Variants in COL23A1 observed in about 807,000 individuals in gnomAD.
COL23A1 encodes collagen type XXIII alpha 1 chain, also known as collagen alpha-1(XXIII) chain.
A neutral mutation model predicts 99.3 loss-of-function variants in COL23A1; 97 were observed. That is an observed-to-expected ratio of 0.98 (90% CI 0.83 to 1.16). COL23A1 has a LOEUF of 1.16. Among genes scored for constraint, COL23A1 ranks in the 50% most tolerant of loss-of-function variants. COL23A1 has a pLI of 0.00. For synonymous variants in COL23A1, 320 were observed against 308.2 expected (o/e 1.04, Z -0.40); for missense variants, 762 against 757.4 (o/e 1.01, Z -0.07).
chr5:178,530,877 A>C (rs1208505836), intron 2 of COL23A1, among the ~76,000 whole-genome samples: 2 of 152,012 alleles, frequency 1.3e-5, no homozygotes, highest in Non-Finnish European at 2.9e-5. Context: ...ATAAGCATTA[A>C]TTTTTTTGAG....
chr5:178,329,368 T>G (rs1390757216), intron 2 of COL23A1, among the ~76,000 whole-genome samples: 1 of 151,214 alleles, frequency 6.6e-6, no homozygotes, highest in Non-Finnish European at 1.5e-5. Context: ...ATGAAGAGAG[T>G]GGGGCCTCAA....
At chr5:178,429,521 G>C (rs1014948020) in intron 2 of COL23A1, among the ~76,000 whole-genome samples, 7 of 152,206 alleles carry the variant, frequency 4.6e-5, no homozygotes, top group African/African-American at 1.7e-4. Context: ...GCTTACTTTA[G>C]CTTGTGTAAA....
Position 178,238,531 on chromosome 5 carries a change from G to T in COL23A1, c.*167C>A. On this transcript the variant is annotated 3_prime_UTR_variant, in exon 29 of 29. Coordinates refer to ENST00000390654, the MANE Select transcript of COL23A1 (RefSeq NM_173465.4). ...CCTGGTCTGGCCTGTCCACTTTCCGGCAGCTTCACATGCCGGTGGCTTTGG... is the reference window on the plus strand; with the variant it reads ...CCTGGTCTGGCCTGTCCACTTTCCGTCAGCTTCACATGCCGGTGGCTTTGG... 1.1e-6 allele frequency: 1 copy of T among 874,530 alleles called. No individual in the cohort carries two copies. The highest frequency in any genetic ancestry group is 1.8e-6 in the Non-Finnish European group (1 of 555,460). The allele number at this position is 874,530 out of a possible 1,614,324, so 54.2% of individuals were successfully genotyped here.
chr5:178,384,753 A>G lies in COL23A1; in HGVS notation c.362-77834T>C, dbSNP rs13178731. On this transcript the variant is annotated intron_variant, in intron 2 of 28. Transcript: ENST00000390654. The surrounding 1 kb of genome is among the most constrained non-coding windows in gnomAD (Gnocchi z 5.5). ...ACAGGGTGCACATATAACAGCCACCACGACCCTTGTACCACCCGGGGACGG... is the reference window on the plus strand; with the variant it reads ...ACAGGGTGCACATATAACAGCCACCGCGACCCTTGTACCACCCGGGGACGG... Among the ~76,000 whole-genome samples, 15,501 of 152,234 alleles carry G rather than the reference A, an allele frequency of 0.1. 1,222 individuals carry two copies. Among genetic ancestry groups the G allele is most frequent in the African/African-American group, 0.22 (8,949 of 41,508 alleles).
chr5:178,288,679 C>T (rs975506906), intron 4 of COL23A1: 36 of 415,640 alleles, frequency 8.7e-5, no homozygotes, highest in Middle Eastern at 6.4e-4. Flanking sequence ...CACAACCACA[C>T]GACCAACCAG....
intron 1 of COL23A1, among the ~76,000 whole-genome samples, chr5:178,581,913 T>C (rs1043223593): frequency 1.3e-5 from 2 of 152,066 alleles, no homozygotes; most frequent in Non-Finnish European, 2.9e-5. Context: ...GGTAAGCAAA[T>C]ATCTGTCTAC....
Position 178,304,609 on chromosome 5 carries a change from CAT to C in COL23A1, c.406+2264_406+2265del, listed in dbSNP as rs780972108. Among the ~76,000 whole-genome samples, 156 of 151,434 alleles carry C rather than the reference CAT, an allele frequency of 1.0e-3. 2 individuals carry two copies. The highest frequency in any genetic ancestry group is 3.4e-3 in the Middle Eastern group (1 of 290). On this transcript the variant is annotated intron_variant, in intron 3 of 28. Transcript: ENST00000390654. ...GGGAAGGCATGAAAGCCAGGATGTG[CAT>C]ATGTGTGTAACTATCTAGAAATAAA...
intron 1 of COL23A1, among the ~76,000 whole-genome samples, chr5:178,582,931 A>G (rs951944832): frequency 1.3e-5 from 2 of 152,146 alleles, no homozygotes; most frequent in African/African-American, 4.8e-5. Context: ...TGCCAAACCC[A>G]CACACAGGGT....
chr5:178,314,735 C>A (rs900750426), intron 2 of COL23A1, among the ~76,000 whole-genome samples: 2 of 152,142 alleles, frequency 1.3e-5, no homozygotes, highest in African/African-American at 4.8e-5. Context: ...ATATTCCTGA[C>A]CTCAAACCCA....
chr5:178,261,991 A>G (rs1455613505), intron 10 of COL23A1, among the ~76,000 whole-genome samples: 2 of 152,210 alleles, frequency 1.3e-5, no homozygotes, highest in Non-Finnish European at 2.9e-5. Context: ...ATGTGGAGCT[A>G]CTGGAATCCC....
In COL23A1 at chr5:178,255,794, G is replaced by A; in HGVS notation, c.882+559C>T. Reference sequence around the variant, plus strand: ...CCTCCCGCTCCCCACCACCTGCACAGCCAGGCGGGGGCTCAGATCCATTTT... The same window carrying A: ...CCTCCCGCTCCCCACCACCTGCACAACCAGGCGGGGGCTCAGATCCATTTT... On this transcript the variant is annotated intron_variant, in intron 15 of 28. Coordinates refer to ENST00000390654, the MANE Select transcript of COL23A1 (RefSeq NM_173465.4). This position sits in a 1 kb window ranked among gnomAD's most constrained non-coding sequence, Gnocchi z 4.2. The A allele has an allele frequency of 2.6e-6, 1 of 377,768 alleles. No individual in the cohort carries two copies. Among genetic ancestry groups the A allele is most frequent in the Non-Finnish European group, 5.5e-6 (1 of 181,846 alleles). 23.4% of individuals were successfully genotyped at this position (377,768 alleles called of 1,614,324 possible).
At chr5:178,478,848 C>T (rs1011027341) in intron 2 of COL23A1, among the ~76,000 whole-genome samples, 8 of 152,112 alleles carry the variant, frequency 5.3e-5, no homozygotes, top group African/African-American at 1.9e-4. Context: ...GAAGACTTAC[C>T]CCAGAGGATA....
chr5:178,297,960 CA>C (rs1757835178), intron 3 of COL23A1, among the ~76,000 whole-genome samples: 1 of 152,184 alleles, frequency 6.6e-6, no homozygotes, highest in African/African-American at 2.4e-5. Context: ...ATGGATGTGA[CA>C]GAGGGGTTGG....
At chr5:178,575,865 G>A (rs1763325057) in intron 1 of COL23A1, among the ~76,000 whole-genome samples, 1 of 152,234 alleles carries the variant, frequency 6.6e-6, no homozygotes, top group Admixed American at 6.5e-5. Flanking sequence ...CCAGGCATAT[G>A]TGTCCTCAGA....
chr5:178,585,738 C>CTGGT (rs1275652839), intron 1 of COL23A1, among the ~76,000 whole-genome samples: 1 of 152,220 alleles, frequency 6.6e-6, no homozygotes, highest in Non-Finnish European at 1.5e-5. Context: ...CTCCACAGCC[C>CTGGT]TGGCTGACCC....
intron 5 of COL23A1, among the ~76,000 whole-genome samples, chr5:178,286,478 G>A (rs571562156): frequency 2.6e-5 from 4 of 152,316 alleles, no homozygotes; most frequent in Non-Finnish European, 5.9e-5. Context: ...ACTCAGCTTC[G>A]TCTTTAATTC....
At chr5:178,573,386 C>T (rs1025537671) in intron 1 of COL23A1, among the ~76,000 whole-genome samples, 3 of 152,210 alleles carry the variant, frequency 2.0e-5, no homozygotes, top group Admixed American at 2.0e-4. Flanking sequence ...ATTGTGAGAG[C>T]GTCTGGCCCG....
chr5:178,393,450 T>C (rs1764072913), intron 2 of COL23A1, among the ~76,000 whole-genome samples: 1 of 152,180 alleles, frequency 6.6e-6, no homozygotes, highest in Admixed American at 6.5e-5. Flanking sequence ...GTTCTGATGA[T>C]GGTTGCACAA....
intron 2 of COL23A1, among the ~76,000 whole-genome samples, chr5:178,334,375 C>T (rs1339741185): frequency 6.6e-6 from 1 of 152,236 alleles, no homozygotes; most frequent in Non-Finnish European, 1.5e-5. Flanking sequence ...GCCCTTTTGC[C>T]GAAAGAAATG....
Sources: gnomAD v4.1 joint callset for allele counts (sites outside exome capture counted in the v4.1 genomes callset) on GRCh38, gnomAD v4.1.1 for gene constraint, Gnocchi (gnomAD v3.1) non-coding constraint, MANE v1.5 for transcripts, NCBI Gene and HGNC (gene_info 2026-07-23, HGNC 2026-07-21) for gene names.